The following NAA80 variants were observed in gnomAD, a reference collection of about 807,000 sequenced individuals.
NAA80 encodes the protein N-alpha-acetyltransferase 80.
NAA80 carries 5 observed loss-of-function variants against 8.7 expected under a neutral mutation model. That is an observed-to-expected ratio of 0.58 (90% CI 0.30 to 1.21). The LOEUF is 1.21. NAA80 is among the 50% of genes most tolerant of loss of function. The probability of loss-of-function intolerance (pLI) is 0.07; values close to 1 mark genes in which losing one functional copy is unlikely to be tolerated. For synonymous variants in NAA80, 149 were observed against 156.6 expected (o/e 0.95, Z 0.36); for missense variants, 360 against 368.6 (o/e 0.98, Z 0.19).
chr3:50,298,704 G>C (rs782236485), intron 1 of NAA80: 47 of 973,308 alleles, frequency 4.8e-5, no homozygotes, highest in Admixed American at 1.1e-4. Flanking sequence ...TGCTCCAGAG[G>C]GGGCCTCCTG....
chr3:50,297,565 G>C lies in NAA80; in HGVS notation c.-102C>G. 3 of 1,498,400 alleles carry C rather than the reference G, an allele frequency of 2.0e-6. No individual in the cohort carries two copies. Among genetic ancestry groups the C allele is most frequent in the Non-Finnish European group, 2.7e-6 (3 of 1,124,018 alleles). 92.8% of individuals were successfully genotyped at this position (1,498,400 alleles called of 1,614,324 possible). A position where few individuals can be genotyped will look rare whatever the true frequency, so the allele number is the denominator to read the frequency against. ...TCCAGGTTCAGCTGAGTCAGGCTGG[G>C]AGCCAAGGTCACCTGCTGCTAGGTT... On this transcript the variant is annotated 5_prime_UTR_variant, in exon 2 of 2. Transcript: ENST00000443094. The surrounding 1 kb of genome is among the most constrained non-coding windows in gnomAD (Gnocchi z 4.3).
At chr3:50,299,081 G>A (rs1417462239) in intron 1 of NAA80, 132 bp downstream of exon 1, 2 of 1,607,062 alleles carry the variant, frequency 1.2e-6, no homozygotes, top group Middle Eastern at 1.9e-4. Flanking sequence ...GACTCTGTGG[G>A]CAGGTGTGGC....
At chr3:50,298,154 A>G in intron 1 of NAA80, 4 of 964,720 alleles carry the variant, frequency 4.1e-6, no homozygotes, top group Non-Finnish European at 4.9e-6. Flanking sequence ...GGTTCCCTCC[A>G]TAGGAAAAAC....
chr3:50,296,633 G>A lies in NAA80; in HGVS notation c.831C>T (p.Arg277=). The stretch of plus-strand genomic sequence containing the variant: ...TGTCTTTTTCCATCCAGAATATGGG[G>A]CGCCCCCTCACATTTTGATATTGTG... ...LETQYQNVRG[R]PIFWMEKDI is the part of the protein sequence containing the mutation. The change falls in exon 2 of 2, where the codon CGC becomes CGT. Residue 277 remains arginine (R), a synonymous_variant. Coordinates refer to ENST00000443094, the MANE Select transcript of NAA80 (RefSeq NM_001200016.2). The A allele has an allele frequency of 3.1e-6, 5 of 1,614,054 alleles. No homozygotes were observed. The highest frequency in any genetic ancestry group is 3.4e-6 in the Non-Finnish European group (4 of 1,180,012).
intron 1 of NAA80, chr3:50,298,164 C>G (rs1553711716): frequency 2.2e-6 from 2 of 912,830 alleles, no homozygotes; most frequent in African/African-American, 3.6e-5. Flanking sequence ...ATAGGAAAAA[C>G]TGCCCGGGAG....
chr3:50,297,649 C>A lies in NAA80; in HGVS notation c.-186G>T, dbSNP rs1218987624. ...CCCCAGTCTCCAGGCAGTAGCATCT[C>A]TTCAGACCACAGTGGCTCTCCTCCT... On this transcript the variant is annotated 5_prime_UTR_variant, in exon 2 of 2. Coordinates refer to ENST00000443094, the MANE Select transcript of NAA80 (RefSeq NM_001200016.2). The surrounding 1 kb of genome is among the most constrained non-coding windows in gnomAD (Gnocchi z 4.3). The A allele has an allele frequency of 2.8e-6, 4 of 1,430,166 alleles. No individual in the cohort carries two copies. The highest frequency in any genetic ancestry group is 3.0e-5 in the Admixed American group (1 of 33,416). 88.6% of individuals were successfully genotyped at this position (1,430,166 alleles called of 1,614,324 possible).
Position 50,297,057 on chromosome 3 carries a change from A to ACTT in NAA80, c.406_407insAAG (p.Leu136delinsGlnVal). 6.5e-7 allele frequency: 1 copy of ACTT among 1,535,214 alleles called. No homozygotes were observed. The highest frequency in any genetic ancestry group is 8.7e-7 in the Non-Finnish European group (1 of 1,143,550). On this transcript the variant is annotated protein_altering_variant, in exon 2 of 2. Coordinates refer to ENST00000443094, the MANE Select transcript of NAA80 (RefSeq NM_001200016.2). This position sits in a 1 kb window ranked among gnomAD's most constrained non-coding sequence, Gnocchi z 4.3. ...GGCCACCACCACTGTCTCCACTAAG[A>ACTT]GGCTCTGGGGCTGGTTCAGCACCCG...
Position 50,297,655 on chromosome 3 carries a change from A to C in NAA80, c.-192T>G. ...TCTCCAGGCAGTAGCATCTCTTCAG[A>C]CCACAGTGGCTCTCCTCCTGTAGAT... is the stretch of plus-strand genomic sequence containing the variant. On this transcript the variant is annotated 5_prime_UTR_variant, in exon 2 of 2. Transcript: ENST00000443094. The surrounding 1 kb of genome is among the most constrained non-coding windows in gnomAD (Gnocchi z 4.3). 1 of 1,420,274 alleles carries C rather than the reference A, an allele frequency of 7.0e-7. No individual in the cohort carries two copies. Among genetic ancestry groups the C allele is most frequent in the Non-Finnish European group, 9.2e-7 (1 of 1,092,756 alleles). The allele number at this position is 1,420,274 out of a possible 1,614,324, so 88.0% of individuals were successfully genotyped here.
intron 1 of NAA80, chr3:50,298,775 C>A: frequency 3.7e-6 from 4 of 1,067,688 alleles, no homozygotes; most frequent in Non-Finnish European, 4.6e-6. Context: ...CAGGCACCCC[C>A]CTCCCCTCAC....
At chr3:50,298,965 G>A (rs1395323554) in intron 1 of NAA80, 2 of 1,438,428 alleles carry the variant, frequency 1.4e-6, no homozygotes, top group East Asian at 2.6e-5. Context: ...GGGGCTCCGG[G>A]GTCCTCAGAG....
At chr3:50,299,071 G>A in intron 1 of NAA80, 142 bp downstream of exon 1, 1 of 1,602,854 alleles carries the variant, frequency 6.2e-7, no homozygotes, top group African/African-American at 1.3e-5. Context: ...TCGAGAGCTC[G>A]ACTCTGTGGG....
Position 50,297,736 on chromosome 3 carries a change from T to C in NAA80, c.-209-64A>G, listed in dbSNP as rs1195785041. ...GGGTGGGGTTGGAGCAGGGAAGGGCTGACAGAGTGCAGGGGGGACCATGCA... is the reference window on the plus strand; with the variant it reads ...GGGTGGGGTTGGAGCAGGGAAGGGCCGACAGAGTGCAGGGGGGACCATGCA... On this transcript the variant is annotated intron_variant, in intron 1 of 1. Transcript: ENST00000443094. The surrounding 1 kb of genome is among the most constrained non-coding windows in gnomAD (Gnocchi z 4.3). 2 of 1,350,168 alleles carry C rather than the reference T, an allele frequency of 1.5e-6. No individual in the cohort carries two copies. The highest frequency in any genetic ancestry group is 3.0e-5 in the African/African-American group (2 of 67,188). The allele number at this position is 1,350,168 out of a possible 1,614,324, so 83.6% of individuals were successfully genotyped here.
intron 1 of NAA80, 54 bp downstream of exon 1, chr3:50,299,159 C>T: frequency 3.1e-6 from 5 of 1,613,910 alleles, no homozygotes; most frequent in Non-Finnish European, 3.4e-6. Context: ...CACTTGGGGA[C>T]CGCACGCGCG....
At position 50,296,484 on chromosome 3, in the gene NAA80, G is replaced by T; in HGVS notation, c.*119C>A. The T allele has an allele frequency of 8.2e-7, 1 of 1,212,744 alleles. No individual in the cohort carries two copies. Among genetic ancestry groups the T allele is most frequent in the Non-Finnish European group, 1.1e-6 (1 of 873,750 alleles). 75.1% of individuals were successfully genotyped at this position (1,212,744 alleles called of 1,614,324 possible). ...GGCCCCACTGGTACCCAGGAAACAT[G>T]CCCAGGTTAAAGCTGCCCCCCAGGG... is the stretch of plus-strand genomic sequence containing the variant. On this transcript the variant is annotated 3_prime_UTR_variant, in exon 2 of 2. Coordinates refer to ENST00000443094, the MANE Select transcript of NAA80 (RefSeq NM_001200016.2).
chr3:50,298,742 G>A (rs1701979346), intron 1 of NAA80: 1 of 1,015,896 alleles, frequency 9.8e-7, no homozygotes, highest in Non-Finnish European at 1.2e-6. Flanking sequence ...TGAGCTTGAG[G>A]CCAATTAAAC....
rs587610803 is a variant in NAA80 at position 50,297,417 on chromosome 3, G to A, written c.47C>T (p.Pro16Leu). The stretch of plus-strand genomic sequence containing the variant: ...CAGGGGCAGCTTTGGCTGGCACGCA[G>A]GATCCAGAGTCAGCTCAGCTGGGCT... ...STSPAELTLD[P>L]ACQPKLPLDS... Residue 16 changes from proline (P) to leucine (L), a missense_variant, in exon 2 of 2, where the codon CCT (proline) becomes CTT (leucine). By Grantham distance (98) the Pro-to-Leu change is moderately conservative. Coordinates refer to ENST00000443094, the MANE Select transcript of NAA80 (RefSeq NM_001200016.2). The surrounding 1 kb of genome is among the most constrained non-coding windows in gnomAD (Gnocchi z 4.3). 2.9e-5 allele frequency: 47 copies of A among 1,613,224 alleles called. No homozygotes were observed. In the East Asian group the frequency reaches 7.6e-4, roughly 26 times the overall value.
intron 1 of NAA80, among the ~76,000 whole-genome samples, chr3:50,298,318 T>C (rs1257479408): frequency 6.6e-6 from 1 of 152,060 alleles, no homozygotes; most frequent in Non-Finnish European, 1.5e-5. Flanking sequence ...CTGTCTTGAC[T>C]GCCTTCCCCA....
At position 50,299,305 on chromosome 3, in the gene NAA80, A is replaced by G; in HGVS notation, c.-302T>C. Reference sequence around the variant, plus strand: ...CCACCTCGGACTCCTCGGTCCGACAACGTTGGCCCCCAGCGGTGCGGCGGA... The same window carrying G: ...CCACCTCGGACTCCTCGGTCCGACAGCGTTGGCCCCCAGCGGTGCGGCGGA... On this transcript the variant is annotated 5_prime_UTR_variant, in exon 1 of 2. Coordinates refer to ENST00000443094, the MANE Select transcript of NAA80 (RefSeq NM_001200016.2). The G allele has an allele frequency of 6.2e-7, 1 of 1,610,234 alleles. No homozygotes were observed. The highest frequency in any genetic ancestry group is 1.1e-5 in the South Asian group (1 of 90,924).
At position 50,297,118 on chromosome 3, in the gene NAA80, C is replaced by A; in HGVS notation, c.346G>T (p.Ala116Ser). ...GCATGGCCCACCACAACGGGTGCTGCTTCAAGTGTGGGGTGGGGGCTTAGC... is the reference window on the plus strand; with the variant it reads ...GCATGGCCCACCACAACGGGTGCTGATTCAAGTGTGGGGTGGGGGCTTAGC... ...MLLSPHPTLE[A>S]APVVVGHARL... is the part of the protein sequence containing the mutation. The change falls in exon 2 of 2, where the codon GCA becomes TCA. Residue 116 changes from alanine to serine, a missense_variant. Ala to Ser is a moderately conservative substitution (Grantham distance 99). Coordinates refer to ENST00000443094, the MANE Select transcript of NAA80 (RefSeq NM_001200016.2). This position sits in a 1 kb window ranked among gnomAD's most constrained non-coding sequence, Gnocchi z 4.3. The A allele has an allele frequency of 6.4e-7, 1 of 1,563,102 alleles. No individual in the cohort carries two copies. The highest frequency in any genetic ancestry group is 1.2e-5 in the South Asian group (1 of 83,742).
Sources: gnomAD v4.1 joint callset for allele counts (sites outside exome capture counted in the v4.1 genomes callset) on GRCh38, gnomAD v4.1.1 for gene constraint, Gnocchi (gnomAD v3.1) non-coding constraint, MANE v1.5 for transcripts, NCBI Gene and HGNC (gene_info 2026-07-23, HGNC 2026-07-21) for gene names.